TMEM135: variants seen among roughly 807,000 people sequenced by gnomAD.
TMEM135 encodes the protein peroxisomal membrane protein 52.
TMEM135 carries 30 observed loss-of-function variants against 60.3 expected under a neutral mutation model. That is an observed-to-expected ratio of 0.50 (90% CI 0.37 to 0.68). The LOEUF is 0.68. TMEM135 is among the 30% of genes least tolerant of loss of function. The pLI is 0.00. For missense variants in TMEM135, 468 were observed against 548.8 expected (o/e 0.85, Z 1.47); for synonymous variants, 190 against 186.7 (o/e 1.02, Z -0.14).
chr11:87,307,021 G>T (rs1008341476), intron 9 of TMEM135, among the ~76,000 whole-genome samples: 1 of 151,970 alleles, frequency 6.6e-6, no homozygotes. Flanking sequence ...GCCCGGCCAA[G>T]TTCCTTTATT....
rs553112366 is a variant in TMEM135 at position 87,065,510 on chromosome 11, G to A, written c.142-2184G>A. Among the ~76,000 whole-genome samples, 275 of 152,042 alleles carry A rather than the reference G, an allele frequency of 1.8e-3. 2 individuals carry two copies. Among genetic ancestry groups the A allele is most frequent in the Non-Finnish European group, 3.2e-3 (215 of 67,986 alleles). On this transcript the variant is annotated intron_variant, in intron 1 of 14. Transcript: ENST00000305494. Reference sequence around the variant, plus strand: ...CATATATTTTCCTATTTTCTAATTGGGTTGTTTGCTTTTTATTGTTGAGTT... The same window carrying A: ...CATATATTTTCCTATTTTCTAATTGAGTTGTTTGCTTTTTATTGTTGAGTT...
intron 6 of TMEM135, among the ~76,000 whole-genome samples, chr11:87,256,232 A>G (rs796878081): frequency 1.3e-4 from 20 of 152,326 alleles, no homozygotes; most frequent in African/African-American, 4.8e-4. Context: ...AAGTGATTCC[A>G]ACTATATAAA....
At chr11:87,269,364 C>G (rs1170106798) in intron 6 of TMEM135, among the ~76,000 whole-genome samples, 1 of 130,186 alleles carries the variant, frequency 7.7e-6, no homozygotes, top group Admixed American at 8.5e-5. Context: ...TATTATCATA[C>G]TTTAAGTTTT....
At chr11:87,043,856 GC>G (rs998702570) in intron 1 of TMEM135, among the ~76,000 whole-genome samples, 4 of 152,056 alleles carry the variant, frequency 2.6e-5, no homozygotes, top group Non-Finnish European at 5.9e-5. Flanking sequence ...TGGATTCTAT[GC>G]TGTTGAGATT....
intron 5 of TMEM135, among the ~76,000 whole-genome samples, chr11:87,235,286 G>A (rs183195717): frequency 1.1e-3 from 174 of 151,868 alleles, no homozygotes; most frequent in African/African-American, 4.0e-3. Flanking sequence ...AGAGAGGAAG[G>A]AAGGAGGGAA....
At chr11:87,087,603 C>T (rs577033913) in intron 3 of TMEM135, among the ~76,000 whole-genome samples, 2 of 152,096 alleles carry the variant, frequency 1.3e-5, no homozygotes, top group Non-Finnish European at 2.9e-5. Context: ...ATGATAGGAC[C>T]GAGTTGTTTG....
chr11:87,174,479 A>G (rs1010680987), intron 5 of TMEM135, among the ~76,000 whole-genome samples: 2 of 152,142 alleles, frequency 1.3e-5, no homozygotes, highest in Non-Finnish European at 2.9e-5. Context: ...ATCTATTAGA[A>G]TATAGCCTAG....
At chr11:87,268,578 A>G (rs1196674644) in intron 6 of TMEM135, among the ~76,000 whole-genome samples, 1 of 152,162 alleles carries the variant, frequency 6.6e-6, no homozygotes, top group Non-Finnish European at 1.5e-5. Context: ...TTGTTTTAAG[A>G]GTGTATTAAG....
chr11:87,277,186 C>T (rs11235076), intron 6 of TMEM135: 3,344 of 238,780 alleles, frequency 0.014, 141 homozygotes, highest in African/African-American at 0.074. Context: ...GGCTGGAGTG[C>T]AGTGGTGTGA....
At chr11:87,277,365 A>C (rs1941987467) in intron 6 of TMEM135, 1 of 326,796 alleles carries the variant, frequency 3.1e-6, no homozygotes, top group African/African-American at 2.2e-5. Flanking sequence ...TCTTGGCCTT[A>C]AGTGATCCAC....
chr11:87,077,520 T>TA (rs1283975598), intron 3 of TMEM135, among the ~76,000 whole-genome samples: 1 of 152,258 alleles, frequency 6.6e-6, no homozygotes, highest in Non-Finnish European at 1.5e-5. Context: ...GCGTTTCATA[T>TA]ACGTGTTAGA....
intron 4 of TMEM135, among the ~76,000 whole-genome samples, chr11:87,126,391 A>G (rs1479985270): frequency 1.3e-5 from 2 of 151,980 alleles, no homozygotes; most frequent in Non-Finnish European, 2.9e-5. Flanking sequence ...TTTATCAAAT[A>G]TTTTATAATT....
At chr11:87,197,683 C>T (rs972085418) in intron 5 of TMEM135, among the ~76,000 whole-genome samples, 5 of 151,700 alleles carry the variant, frequency 3.3e-5, no homozygotes, top group African/African-American at 1.2e-4. Flanking sequence ...TGAGGCTATG[C>T]GTTGGCATGA....
intron 6 of TMEM135, among the ~76,000 whole-genome samples, chr11:87,268,028 C>A (rs756097559): frequency 6.6e-6 from 1 of 151,416 alleles, no homozygotes; most frequent in Non-Finnish European, 1.5e-5. Flanking sequence ...ATACAGTGTG[C>A]CCTAGAGTAC....
At chr11:87,207,800 T>A (rs1039387356) in intron 5 of TMEM135, among the ~76,000 whole-genome samples, 2 of 152,224 alleles carry the variant, frequency 1.3e-5, no homozygotes, top group Non-Finnish European at 2.9e-5. Context: ...GGAGCACTTA[T>A]GCCCATGCCT....
intron 3 of TMEM135, among the ~76,000 whole-genome samples, chr11:87,085,971 A>G (rs373063133): frequency 6.6e-6 from 1 of 152,070 alleles, no homozygotes; most frequent in Admixed American, 6.6e-5. Flanking sequence ...CTTACACTTC[A>G]TGGTACTATT....
chr11:87,166,082 A>G (rs1399635005), intron 5 of TMEM135, among the ~76,000 whole-genome samples: 1 of 151,632 alleles, frequency 6.6e-6, no homozygotes, highest in African/African-American at 2.4e-5. Context: ...AGGATCTGAA[A>G]TTGTGGCAAT....
chr11:87,247,705 G>A (rs944335660), intron 6 of TMEM135, among the ~76,000 whole-genome samples: 25 of 152,134 alleles, frequency 1.6e-4, no homozygotes, highest in Admixed American at 3.9e-4. Context: ...TAAGCCTGTC[G>A]GAAAAGCGCA....
At chr11:87,299,098 CAA>C (rs1302097109) in intron 7 of TMEM135, among the ~76,000 whole-genome samples, 2 of 152,062 alleles carry the variant, frequency 1.3e-5, no homozygotes, top group Non-Finnish European at 2.9e-5. Flanking sequence ...TCAAAAAAAA[CAA>C]AACCAAAACC....
Sources: gnomAD v4.1 joint callset for allele counts (sites outside exome capture counted in the v4.1 genomes callset) on GRCh38, gnomAD v4.1.1 for gene constraint, MANE v1.5 for transcripts, NCBI Gene and HGNC (gene_info 2026-07-23, HGNC 2026-07-21) for gene names.